Variants in SMAD7 observed in about 807,000 individuals in gnomAD.
The protein encoded by SMAD7 is MAD (mothers against decapentaplegic, Drosophila) homolog 7.
Under a neutral mutation model 38.7 loss-of-function variants are expected in SMAD7, and 8 were observed. The ratio of observed to expected loss-of-function variants is 0.21; its 90% confidence interval spans 0.12 to 0.37. The LOEUF (loss-of-function observed/expected upper bound fraction) is 0.37, where lower values mean the gene tolerates loss of function less well. Among genes scored for constraint, SMAD7 ranks in the 10% least tolerant of loss-of-function variants. The pLI, the probability that SMAD7 is intolerant of heterozygous loss-of-function variation, is 1.00. For synonymous variants in SMAD7, 327 were observed against 265.1 expected (o/e 1.23, Z -2.27); for missense variants, 477 against 577.9 (o/e 0.83, Z 1.79).
At chr18:48,922,429 A>G (rs952814109) in intron 3 of SMAD7, among the ~76,000 whole-genome samples, 4 of 152,142 alleles carry the variant, frequency 2.6e-5, no homozygotes, top group East Asian at 1.9e-4. Context: ...CCAGGTGTCT[A>G]GACTCTGGGA....
chr18:48,935,707 T>C (rs1185742416), intron 3 of SMAD7, among the ~76,000 whole-genome samples: 3 of 152,188 alleles, frequency 2.0e-5, no homozygotes, highest in Non-Finnish European at 4.4e-5. Context: ...GGAACTTTCC[T>C]GTCTCTCATT....
Position 48,950,029 on chromosome 18 carries a change from C to A in SMAD7, c.396G>T (p.Leu132=). The change falls in exon 1 of 4, where the codon CTG becomes CTT. Residue 132 remains leucine, a synonymous_variant. Coordinates refer to ENST00000262158, the MANE Select transcript of SMAD7 (RefSeq NM_005904.4). ...GCGCCCCCGGGCCCAGCCTGCAGTC[C>A]AGGCGGCCGGGCAGCAGGAGGCACG... is the stretch of plus-strand genomic sequence containing the variant. The part of the protein sequence containing the change: ...RTACLLLPGR[L]DCRLGPGAPA... 6.8e-7 allele frequency: 1 copy of A among 1,468,918 alleles called. No homozygotes were observed. The allele number at this position is 1,468,918 out of a possible 1,614,324, so 91.0% of individuals were successfully genotyped here. A position where few individuals can be genotyped will look rare whatever the true frequency, so the allele number is the denominator to read the frequency against.
chr18:48,936,994 C>T (rs952984097), intron 3 of SMAD7, among the ~76,000 whole-genome samples: 1 of 151,854 alleles, frequency 6.6e-6, no homozygotes, highest in African/African-American at 2.4e-5. Flanking sequence ...CAGGAGAGTC[C>T]CTTGAATCCA....
At chr18:48,932,809 A>C (rs72917785) in intron 3 of SMAD7, among the ~76,000 whole-genome samples, 8,894 of 152,308 alleles carry the variant, frequency 0.058, 373 homozygotes, top group East Asian at 0.14. Flanking sequence ...AATTTCCTTC[A>C]TCCCCCAGAT....
Position 48,921,264 on chromosome 18 carries a change from C to A in SMAD7, c.*108G>T, listed in dbSNP as rs74509535. ...AACCAACCAACAAACAAAAAAAAAA[C>A]GACCAAAGAGTTTGCATGAAAAGCA... On this transcript the variant is annotated 3_prime_UTR_variant, in exon 4 of 4. Coordinates refer to ENST00000262158, the MANE Select transcript of SMAD7 (RefSeq NM_005904.4). This position sits in a 1 kb window ranked among gnomAD's most constrained non-coding sequence, Gnocchi z 6.4. 7.3e-6 allele frequency: 7 copies of A among 964,108 alleles called. No individual in the cohort carries two copies. Among genetic ancestry groups the A allele is most frequent in the South Asian group, 1.9e-5 (1 of 53,688 alleles). The allele number at this position is 964,108 out of a possible 1,614,324, so 59.7% of individuals were successfully genotyped here.
At chr18:48,923,467 AGTTGTTGTT>A (rs138772241) in intron 3 of SMAD7, among the ~76,000 whole-genome samples, 6 of 151,830 alleles carry the variant, frequency 4.0e-5, no homozygotes, top group East Asian at 1.9e-4. Context: ...GGCTCCACTC[AGTTGTTGTT>A]GTTGTTGTTG....
intron 3 of SMAD7, among the ~76,000 whole-genome samples, chr18:48,927,819 G>A (rs1047109151): frequency 7.2e-5 from 11 of 152,154 alleles, no homozygotes; most frequent in African/African-American, 2.7e-4. Flanking sequence ...CATTTACTTT[G>A]CATAGGCTGT....
At chr18:48,925,848 G>A (rs1396172154) in intron 3 of SMAD7, among the ~76,000 whole-genome samples, 4 of 151,974 alleles carry the variant, frequency 2.6e-5, no homozygotes, top group South Asian at 2.1e-4. Context: ...CCGGGTTCAC[G>A]CCATTCTCCT....
At chr18:48,938,165 G>T (rs752905878) in intron 3 of SMAD7, among the ~76,000 whole-genome samples, 2 of 152,168 alleles carry the variant, frequency 1.3e-5, no homozygotes, top group African/African-American at 2.4e-5. Flanking sequence ...AGATTATATA[G>T]GTATTTTTGA....
At chr18:48,938,138 G>T (rs571424179) in intron 3 of SMAD7, among the ~76,000 whole-genome samples, 1 of 152,350 alleles carries the variant, frequency 6.6e-6, no homozygotes, top group East Asian at 1.9e-4. Context: ...TGTGGACTGA[G>T]CCAGGGGTGC....
intron 3 of SMAD7, among the ~76,000 whole-genome samples, chr18:48,930,407 G>T (rs2069983891): frequency 6.6e-6 from 1 of 152,042 alleles, no homozygotes; most frequent in Non-Finnish European, 1.5e-5. Context: ...GAGGTCAAGG[G>T]AATAAAAGAA....
chr18:48,939,940 C>T (rs531996488), intron 3 of SMAD7, among the ~76,000 whole-genome samples: 2 of 151,874 alleles, frequency 1.3e-5, no homozygotes, highest in Admixed American at 6.6e-5. Context: ...GGCCACCCCC[C>T]ATGGAACGAT....
At position 48,921,272 on chromosome 18, in the gene SMAD7, G is replaced by A. The variant is rs1027069950; in HGVS notation, c.*100C>T. On this transcript the variant is annotated 3_prime_UTR_variant, in exon 4 of 4. Transcript: ENST00000262158. This position sits in a 1 kb window ranked among gnomAD's most constrained non-coding sequence, Gnocchi z 6.4. ...AACAAACAAAAAAAAAACGACCAAA[G>A]AGTTTGCATGAAAAGCAAGCACTCA... 3 of 1,042,894 alleles carry A rather than the reference G, an allele frequency of 2.9e-6. No homozygotes were observed. The highest frequency in any genetic ancestry group is 3.2e-5 in the African/African-American group (2 of 62,464). 64.6% of individuals were successfully genotyped at this position (1,042,894 alleles called of 1,614,324 possible).
At chr18:48,946,985 C>T (rs979490920) in intron 2 of SMAD7, among the ~76,000 whole-genome samples, 3 of 151,064 alleles carry the variant, frequency 2.0e-5, no homozygotes, top group Non-Finnish European at 4.4e-5. Context: ...TATGGAAGGA[C>T]AAAAAAAACA....
intron 3 of SMAD7, among the ~76,000 whole-genome samples, chr18:48,941,423 C>G (rs187796404): frequency 6.6e-6 from 1 of 152,168 alleles, no homozygotes; most frequent in African/African-American, 2.4e-5. Flanking sequence ...AGGGAGCCGT[C>G]CGGGAATGAA....
chr18:48,944,410 C>A (rs1245645769), intron 2 of SMAD7, among the ~76,000 whole-genome samples: 3 of 152,212 alleles, frequency 2.0e-5, no homozygotes, highest in Non-Finnish European at 4.4e-5. Flanking sequence ...ACACAGGCAA[C>A]CACAAGCATT....
At chr18:48,948,332 G>A (rs2070219305) in intron 2 of SMAD7, 52 bp downstream of exon 2, 1 of 1,308,832 alleles carries the variant, frequency 7.6e-7, no homozygotes, top group Non-Finnish European at 1.1e-6. Context: ...CGTTCTAGAG[G>A]CTCTATTTCT....
intron 2 of SMAD7, 188 bp from the exon 3 acceptor site, chr18:48,942,743 C>T: frequency 4.8e-6 from 7 of 1,448,638 alleles, no homozygotes; most frequent in East Asian, 2.8e-5. Flanking sequence ...GACCACAGCA[C>T]CTTGTCACCC....
At chr18:48,948,634 C>T in intron 1 of SMAD7, 197 bp from the exon 2 acceptor site, 1 of 421,340 alleles carries the variant, frequency 2.4e-6, no homozygotes, top group Non-Finnish European at 4.2e-6. Flanking sequence ...AGCCTCGGCG[C>T]TCCGCTCCTC....
Sources: gnomAD v4.1 joint callset for allele counts (sites outside exome capture counted in the v4.1 genomes callset) on GRCh38, gnomAD v4.1.1 for gene constraint, Gnocchi (gnomAD v3.1) non-coding constraint, MANE v1.5 for transcripts, NCBI Gene and HGNC (gene_info 2026-07-23, HGNC 2026-07-21) for gene names.